The following PDE9A variants were observed in gnomAD, a reference collection of about 807,000 sequenced individuals.
PDE9A encodes the protein high affinity cGMP-specific 3',5'-cyclic phosphodiesterase 9A.
A neutral mutation model predicts 87.4 loss-of-function variants in PDE9A; 60 were observed. The ratio of observed to expected loss-of-function variants is 0.69; its 90% CI spans 0.56 to 0.85. The LOEUF is 0.85. Ranked by LOEUF, PDE9A falls within the 40% of genes least tolerant of loss-of-function variation. PDE9A has a pLI of 0.00. For missense variants in PDE9A, 665 were observed against 779.0 expected, an observed-to-expected ratio of 0.85 and a Z score of 1.74; for synonymous variants, 272 against 279.4, an observed-to-expected ratio of 0.97 and a Z score of 0.27.
intron 8 of PDE9A, among the ~76,000 whole-genome samples, chr21:42,749,429 T>C (rs2054201912): frequency 6.6e-6 from 1 of 152,106 alleles, no homozygotes; most frequent in Non-Finnish European, 1.5e-5. Flanking sequence ...CCTGGTGCAC[T>C]CTGCTGCAGG....
At chr21:42,726,857 C>T (rs543969933) in intron 4 of PDE9A, among the ~76,000 whole-genome samples, 3 of 150,652 alleles carry the variant, frequency 2.0e-5, no homozygotes, top group Admixed American at 1.3e-4. Context: ...ATCAGTTGGG[C>T]GTATTTGTAT....
chr21:42,727,789 T>C (rs1050226488), intron 4 of PDE9A, among the ~76,000 whole-genome samples: 6 of 152,328 alleles, frequency 3.9e-5, no homozygotes, highest in East Asian at 3.9e-4. Flanking sequence ...TTGTTGTTTG[T>C]AGATTCATTG....
At chr21:42,755,809 C>T (rs1424100621) in intron 10 of PDE9A, among the ~76,000 whole-genome samples, 2 of 152,234 alleles carry the variant, frequency 1.3e-5, no homozygotes, top group Non-Finnish European at 2.9e-5. Flanking sequence ...GAAAAATCAC[C>T]ATCCCCAAAG....
At chr21:42,741,486 T>G (rs977466264) in intron 7 of PDE9A, 1 of 152,240 alleles carries the variant, frequency 6.6e-6, no homozygotes, top group African/African-American at 2.4e-5. Flanking sequence ...GACTCGGCCA[T>G]CACGACAGCG....
intron 17 of PDE9A, 28 bp from the exon 18 acceptor site, chr21:42,770,673 ACT>A: frequency 6.5e-7 from 1 of 1,547,744 alleles, no homozygotes; most frequent in South Asian, 1.1e-5. Flanking sequence ...AGAACGAGGG[ACT>A]CTGAATAAAT....
intron 3 of PDE9A, among the ~76,000 whole-genome samples, chr21:42,688,225 T>C (rs1242027621): frequency 1.3e-5 from 2 of 152,104 alleles, no homozygotes; most frequent in Non-Finnish European, 2.9e-5. Flanking sequence ...TGCACCTGCT[T>C]CTCAACGGGA....
rs146416972 is a variant in PDE9A at position 42,660,300 on chromosome 21, A to G, written c.69+6417A>G. On this transcript the variant is annotated intron_variant, in intron 1 of 19. Coordinates refer to ENST00000291539, the MANE Select transcript of PDE9A (RefSeq NM_002606.3). This position sits in a 1 kb window ranked among gnomAD's most constrained non-coding sequence, Gnocchi z 4.7. ...CACTCCTTGGCTTTCTCCCCAGACA[A>G]ACCCACCCTGAGCTCAGGATCCCTC... Among the ~76,000 whole-genome samples, 669 of 152,286 alleles carry G rather than the reference A, an allele frequency of 4.4e-3. 6 individuals are homozygous for G. The highest frequency in any genetic ancestry group is 0.015 in the African/African-American group (631 of 41,548).
chr21:42,764,473 G>A (rs1016554285), intron 14 of PDE9A, among the ~76,000 whole-genome samples: 1 of 152,218 alleles, frequency 6.6e-6, no homozygotes, highest in African/African-American at 2.4e-5. Context: ...GCTCCTCCAG[G>A]GACAGGACCT....
rs1206129116 is a variant in PDE9A at position 42,704,874 on chromosome 21, G to A, written c.262+5863G>A. Among the ~76,000 whole-genome samples the A allele has an allele frequency of 2.0e-5, 3 of 152,218 alleles. No individual in the cohort carries two copies. ...TTCAGTAAATGCCTCTAACGGGCCC[G>A]GTGGAACTGTGCAATGCAGAAACAC... On this transcript the variant is annotated intron_variant, in intron 4 of 19. Coordinates refer to ENST00000291539, the MANE Select transcript of PDE9A (RefSeq NM_002606.3). This position sits in a 1 kb window ranked among gnomAD's most constrained non-coding sequence, Gnocchi z 5.3.
chr21:42,668,642 A>G (rs1370710092), intron 1 of PDE9A, among the ~76,000 whole-genome samples: 4 of 152,206 alleles, frequency 2.6e-5, no homozygotes, highest in Admixed American at 6.5e-5. Flanking sequence ...CAGTGAGGAA[A>G]ACAAAAGCGA....
intron 8 of PDE9A, among the ~76,000 whole-genome samples, chr21:42,745,981 C>T (rs2053806660): frequency 6.6e-6 from 1 of 152,260 alleles, no homozygotes. Flanking sequence ...GCCCCCAGCT[C>T]CTCACCCACA....
At chr21:42,709,940 T>C (rs2049165142) in intron 4 of PDE9A, among the ~76,000 whole-genome samples, 1 of 152,206 alleles carries the variant, frequency 6.6e-6, no homozygotes. Context: ...GCTCATTCAT[T>C]CTTCTGTGGA....
Position 42,696,277 on chromosome 21 carries a change from C to T in PDE9A, c.219-2691C>T, listed in dbSNP as rs1022157326. Among the ~76,000 whole-genome samples, 1 of 152,182 alleles carries T rather than the reference C, an allele frequency of 6.6e-6. No individual in the cohort carries two copies. Among genetic ancestry groups the T allele is most frequent in the African/African-American group, 2.4e-5 (1 of 41,450 alleles). On this transcript the variant is annotated intron_variant, in intron 3 of 19. Transcript: ENST00000291539. The surrounding 1 kb of genome is among the most constrained non-coding windows in gnomAD (Gnocchi z 5.1). ...TGGACACGCCTCTCTGGCTCTGTCCCCGCCGGCACTGTGTGGGATCCATGC... is the reference window on the plus strand; with the variant it reads ...TGGACACGCCTCTCTGGCTCTGTCCTCGCCGGCACTGTGTGGGATCCATGC...
At chr21:42,765,015 A>ATGGATGAATGGG (rs2056241828) in intron 14 of PDE9A, among the ~76,000 whole-genome samples, 1 of 145,826 alleles carries the variant, frequency 6.9e-6, no homozygotes, top group Admixed American at 6.8e-5. Flanking sequence ...GGATGGATGG[A>ATGGATGAATGGG]TGGATGGGTG....
intron 4 of PDE9A, among the ~76,000 whole-genome samples, chr21:42,720,567 C>T (rs781651907): frequency 6.6e-6 from 1 of 152,180 alleles, no homozygotes; most frequent in Non-Finnish European, 1.5e-5. Flanking sequence ...ATAGGTATCT[C>T]TGGGGTTTTC....
rs1294402165 is a variant in PDE9A at position 42,759,939 on chromosome 21, T to C, written c.898-389T>C. ...ATGAAATATTGCTCAGAACCAAATA[T>C]TAAAAGCCTATTAAAGGTTTCATGG... is the stretch of plus-strand genomic sequence containing the variant. On this transcript the variant is annotated intron_variant, in intron 11 of 19. Transcript: ENST00000291539. This position sits in a 1 kb window ranked among gnomAD's most constrained non-coding sequence, Gnocchi z 7.2. 2.6e-5 allele frequency among the ~76,000 whole-genome samples: 4 copies of C among 151,998 alleles called. No homozygotes were observed.
chr21:42,718,402 A>G (rs1390221178), intron 4 of PDE9A, among the ~76,000 whole-genome samples: 1 of 151,748 alleles, frequency 6.6e-6, no homozygotes, highest in Admixed American at 6.6e-5. Flanking sequence ...TTTCTCACTA[A>G]TGACCTGTAT....
chr21:42,698,974 G>C lies in PDE9A; in HGVS notation c.225G>C (p.Pro75=), dbSNP rs78479041. The C allele has an allele frequency of 6.2e-7, 1 of 1,612,638 alleles. No homozygotes were observed. Among genetic ancestry groups the C allele is most frequent in the South Asian group, 1.1e-5 (1 of 91,014 alleles). The change falls in exon 4 of 20, where the codon CCG becomes CCC. Residue 75 remains proline (P), a synonymous_variant. Coordinates refer to ENST00000291539, the MANE Select transcript of PDE9A (RefSeq NM_002606.3). The part of the protein sequence containing the change: ...PTMPANSERT[P]YKVRPVAIKQ... ...ACTGTCTTCTCTTTTGCAGCACTCC[G>C]TACAAAGTGAGACCTGTGGCCATCA...
intron 1 of PDE9A, among the ~76,000 whole-genome samples, chr21:42,682,659 A>T (rs1480283883): frequency 2.0e-5 from 3 of 151,974 alleles, no homozygotes; most frequent in African/African-American, 7.3e-5. Context: ...ATATTCCAAA[A>T]CCCTGGCCTG....
Sources: gnomAD v4.1 joint callset for allele counts (sites outside exome capture counted in the v4.1 genomes callset) on GRCh38, gnomAD v4.1.1 for gene constraint, Gnocchi (gnomAD v3.1) non-coding constraint, MANE v1.5 for transcripts, NCBI Gene and HGNC (gene_info 2026-07-23, HGNC 2026-07-21) for gene names.